Variants in VAV1 observed in about 807,000 individuals in gnomAD.
VAV1 encodes proto-oncogene vav.
Under a neutral mutation model 128.1 loss-of-function variants are expected in VAV1, and 33 were observed. That is an observed-to-expected ratio of 0.26 (90% CI 0.20 to 0.34). VAV1 has a LOEUF of 0.34. Ranked by LOEUF, VAV1 falls within the 10% of genes least tolerant of loss-of-function variation. The probability of loss-of-function intolerance (pLI) is 1.00; values close to 1 mark genes in which losing one functional copy is unlikely to be tolerated. For missense variants in VAV1, 715 were observed against 1,093.7 expected (o/e 0.65, Z 4.88); for synonymous variants, 394 against 409.8 (o/e 0.96, Z 0.47).
At chr19:6,809,002 G>C (rs907288514) in intron 1 of VAV1, among the ~76,000 whole-genome samples, 3 of 151,886 alleles carry the variant, frequency 2.0e-5, no homozygotes, top group Admixed American at 2.0e-4. Context: ...AGGAGAAGTT[G>C]CAAAGCCTCT....
intron 1 of VAV1, among the ~76,000 whole-genome samples, chr19:6,785,793 A>G (rs942539286): frequency 6.6e-6 from 1 of 150,776 alleles, no homozygotes; most frequent in African/African-American, 2.4e-5. Flanking sequence ...CCGAGTAGCC[A>G]GGATTATAGG....
rs1360382590 is a variant in VAV1, at chr19:6,828,311, G to A, written c.1024-108G>A. On this transcript the variant is annotated intron_variant, in intron 10 of 26. Transcript: ENST00000602142. The surrounding 1 kb of genome is among the most constrained non-coding windows in gnomAD (Gnocchi z 4.5). The stretch of plus-strand genomic sequence containing the variant: ...ACTGGGGTCATGTCTCAGCCTCCAG[G>A]GTCAGCAGTACGATGGAGGAGCTGG... 1 of 1,530,344 alleles carries A rather than the reference G, an allele frequency of 6.5e-7. No homozygotes were observed. The highest frequency in any genetic ancestry group is 1.4e-5 in the African/African-American group (1 of 73,070). The allele number at this position is 1,530,344 out of a possible 1,614,324, so 94.8% of individuals were successfully genotyped here. A position where few individuals can be genotyped will look rare whatever the true frequency, so the allele number is the denominator to read the frequency against.
At chr19:6,823,891 T>C (rs1322586609) in intron 6 of VAV1, among the ~76,000 whole-genome samples, 1 of 152,186 alleles carries the variant, frequency 6.6e-6, no homozygotes, top group African/African-American at 2.4e-5. Context: ...TGTCTAATTT[T>C]GGAATATTTT....
intron 1 of VAV1, among the ~76,000 whole-genome samples, chr19:6,773,468 C>T (rs528944314): frequency 3.3e-5 from 5 of 152,324 alleles, no homozygotes; most frequent in Admixed American, 2.6e-4. Context: ...CTCCTCCTCC[C>T]GGGCCCTGGG....
intron 1 of VAV1, among the ~76,000 whole-genome samples, chr19:6,800,850 C>T (rs1329024234): frequency 2.1e-5 from 2 of 93,770 alleles, no homozygotes; most frequent in African/African-American, 5.1e-5. Context: ...TGGTCTTGAA[C>T]CCCTGACCTC....
In VAV1 at chr19:6,828,755, G is replaced by T. The variant is rs748440399; in HGVS notation, c.1179+47G>T. On this transcript the variant is annotated intron_variant, in intron 12 of 26. Transcript: ENST00000602142. This position sits in a 1 kb window ranked among gnomAD's most constrained non-coding sequence, Gnocchi z 4.5. ...GGCCAGGGGTGTGGCCACGTGGGGAGAGTGTGTGTCTGGCTCCTTTCTTGG... is the reference window on the plus strand; with the variant it reads ...GGCCAGGGGTGTGGCCACGTGGGGATAGTGTGTGTCTGGCTCCTTTCTTGG... 6.2e-7 allele frequency: 1 copy of T among 1,614,122 alleles called. No individual in the cohort carries two copies. Among genetic ancestry groups the T allele is most frequent in the South Asian group, 1.1e-5 (1 of 91,066 alleles).
intron 1 of VAV1, among the ~76,000 whole-genome samples, chr19:6,809,077 C>CTTTTTTTT (rs34550612): frequency 6.9e-6 from 1 of 145,740 alleles, no homozygotes; most frequent in African/African-American, 2.6e-5. Flanking sequence ...ATCTACCTCT[C>CTTTTTTTT]TTTTTTTTTT....
chr19:6,814,686 T>TCTC lies in VAV1; in HGVS notation c.205-6016_205-6015insCTC, dbSNP rs1568299290. On this transcript the variant is annotated intron_variant, in intron 1 of 26. Transcript: ENST00000602142. ...TTCCTTCCTTCCTTTCTTTCTTTCT[T>TCTC]TCTTTCTTTCTTTCTTTCTTTCTTT... is the stretch of plus-strand genomic sequence containing the variant. Among the ~76,000 whole-genome samples, 212 of 118,040 alleles carry TCTC rather than the reference T, an allele frequency of 1.8e-3. 8 individuals carry two copies. Among genetic ancestry groups the TCTC allele is most frequent in the African/African-American group, 7.9e-3 (199 of 25,142 alleles). 77.4% of individuals were successfully genotyped at this position (118,040 alleles called of 152,430 possible).
chr19:6,810,762 T>C (rs1211253665), intron 1 of VAV1, among the ~76,000 whole-genome samples: 2 of 151,986 alleles, frequency 1.3e-5, no homozygotes, highest in East Asian at 3.9e-4. Context: ...TTGAAAATCA[T>C]CTTGGGTTCC....
intron 1 of VAV1, among the ~76,000 whole-genome samples, chr19:6,793,860 T>G (rs751565720): frequency 2.0e-5 from 3 of 152,104 alleles, no homozygotes; most frequent in Non-Finnish European, 2.9e-5. Flanking sequence ...CCTTATAGGA[T>G]TGTTGTAAGA....
intron 1 of VAV1, among the ~76,000 whole-genome samples, chr19:6,805,954 C>T (rs1057405814): frequency 2.0e-5 from 3 of 152,064 alleles, no homozygotes; most frequent in South Asian, 2.1e-4. Flanking sequence ...AACTTCCTCC[C>T]GTCTAACAAG....
chr19:6,816,017 ATTTT>A (rs1157742259), intron 1 of VAV1, among the ~76,000 whole-genome samples: 1 of 133,768 alleles, frequency 7.5e-6, no homozygotes, highest in Non-Finnish European at 1.6e-5. Flanking sequence ...GTCTCTACAA[ATTTT>A]TTTTTTTTTT....
At chr19:6,848,182 T>C in intron 23 of VAV1, 68 bp downstream of exon 23, 5 of 1,439,226 alleles carry the variant, frequency 3.5e-6, no homozygotes, top group Non-Finnish European at 3.7e-6. Flanking sequence ...AAAAAGGGTA[T>C]CCAGGTTTTA....
At chr19:6,783,195 A>G (rs1374820675) in intron 1 of VAV1, among the ~76,000 whole-genome samples, 1 of 152,150 alleles carries the variant, frequency 6.6e-6, no homozygotes, top group Non-Finnish European at 1.5e-5. Context: ...AACAAAAACA[A>G]AAACAAACAA....
At chr19:6,781,380 C>G (rs1970763381) in intron 1 of VAV1, among the ~76,000 whole-genome samples, 1 of 152,134 alleles carries the variant, frequency 6.6e-6, no homozygotes, top group South Asian at 2.1e-4. Flanking sequence ...TCTGCCGCCT[C>G]CCCGACAGAC....
At chr19:6,776,178 AT>A in intron 1 of VAV1, among the ~76,000 whole-genome samples, 1 of 149,612 alleles carries the variant, frequency 6.7e-6, no homozygotes, top group Non-Finnish European at 1.5e-5. Context: ...CCATCCATCC[AT>A]CCATCCATCC....
In VAV1 at chr19:6,828,952, C is replaced by T. The variant is rs1478345233; in HGVS notation, c.1265+52C>T. 2 of 1,599,242 alleles carry T rather than the reference C, an allele frequency of 1.3e-6. No individual in the cohort carries two copies. The highest frequency in any genetic ancestry group is 1.7e-6 in the Non-Finnish European group (2 of 1,170,558). On this transcript the variant is annotated intron_variant, in intron 13 of 26. Coordinates refer to ENST00000602142, the MANE Select transcript of VAV1 (RefSeq NM_005428.4). The surrounding 1 kb of genome is among the most constrained non-coding windows in gnomAD (Gnocchi z 4.5). ...ATGGAGCCTGGGCAAAGGGGTGGGA[C>T]CAGGCTCCTAGATGGGCAGGTGGGT...
rs531346505 is a variant in VAV1, at chr19:6,794,449, G to A, written c.204+21438G>A. Among the ~76,000 whole-genome samples the A allele has an allele frequency of 3.9e-5, 6 of 152,288 alleles. No individual in the cohort carries two copies. The East Asian group carries it at 9.6e-4, about 24-fold the overall frequency. On this transcript the variant is annotated intron_variant, in intron 1 of 26. Coordinates refer to ENST00000602142, the MANE Select transcript of VAV1 (RefSeq NM_005428.4). ...GAGCCCAGGAGTTTGAGGCTGCAGT[G>A]AGCTATGATTGCATCACTGCGCTCA...
In VAV1 at chr19:6,857,246, G is replaced by A. The variant is rs1036306756; in HGVS notation, c.*139G>A. 8 of 1,155,182 alleles carry A rather than the reference G, an allele frequency of 6.9e-6. No homozygotes were observed. Among genetic ancestry groups the A allele is most frequent in the African/African-American group, 4.6e-5 (3 of 64,900 alleles). The allele number at this position is 1,155,182 out of a possible 1,614,324, so 71.6% of individuals were successfully genotyped here. A position where few individuals can be genotyped will look rare whatever the true frequency, so the allele number is the denominator to read the frequency against. On this transcript the variant is annotated 3_prime_UTR_variant, in exon 27 of 27. Coordinates refer to ENST00000602142, the MANE Select transcript of VAV1 (RefSeq NM_005428.4). ...TGGAGGAGGCCAGCGTCCAGCTGGC[G>A]GTGCTCCCGGGATGTGCCCTGACAT...
Sources: allele counts gnomAD v4.1 joint callset (sites outside exome capture counted in the v4.1 genomes callset), GRCh38; gene constraint gnomAD v4.1.1; non-coding constraint Gnocchi (gnomAD v3.1); transcripts MANE v1.5; gene names NCBI Gene and HGNC (gene_info 2026-07-23, HGNC 2026-07-21).